Variants in BAIAP2 observed in about 807,000 individuals in gnomAD.
The protein encoded by BAIAP2 is BAR/IMD domain containing adaptor protein 2.
Under a neutral mutation model 63.0 loss-of-function variants are expected in BAIAP2, and 18 were observed. The ratio of observed to expected loss-of-function variants is 0.29; its 90% CI spans 0.20 to 0.42. The LOEUF (loss-of-function observed/expected upper bound fraction) is 0.42, where lower values mean the gene tolerates loss of function less well. Among genes scored for constraint, BAIAP2 ranks in the 10% least tolerant of loss-of-function variants. BAIAP2 has a pLI of 1.00. For synonymous variants in BAIAP2, 386 were observed against 307.6 expected, an observed-to-expected ratio of 1.25 and a Z score of -2.67; for missense variants, 610 against 734.3, an observed-to-expected ratio of 0.83 and a Z score of 1.96.
At chr17:81,069,233 C>G (rs970403059) in intron 3 of BAIAP2, among the ~76,000 whole-genome samples, 1 of 152,200 alleles carries the variant, frequency 6.6e-6, no homozygotes, top group Non-Finnish European at 1.5e-5. Flanking sequence ...TTGTTACCAG[C>G]AGTCACATGC....
Position 81,090,826 on chromosome 17 carries a change from G to C in BAIAP2, c.489+4246G>C, listed in dbSNP as rs373377032. 8.7e-5 allele frequency among the ~76,000 whole-genome samples: 12 copies of C among 138,596 alleles called. No homozygotes were observed. In the East Asian group the frequency reaches 2.6e-3, roughly 29 times the overall value. 90.9% of individuals were successfully genotyped at this position (138,596 alleles called of 152,430 possible). A position where few individuals can be genotyped will look rare whatever the true frequency, so the allele number is the denominator to read the frequency against. On this transcript the variant is annotated intron_variant, in intron 6 of 13. Transcript: ENST00000428708. Reference sequence around the variant, plus strand: ...TGTGCTGCCGGCCTCGCTGCTCCAGGCCCCTTGCCCCACCCAGGGCTGTTC... The same window carrying C: ...TGTGCTGCCGGCCTCGCTGCTCCAGCCCCCTTGCCCCACCCAGGGCTGTTC...
intron 1 of BAIAP2, among the ~76,000 whole-genome samples, chr17:81,052,634 AG>A (rs1231373536): frequency 6.6e-6 from 1 of 152,244 alleles, no homozygotes; most frequent in Non-Finnish European, 1.5e-5. Flanking sequence ...TTCTGGAGGC[AG>A]GTCCCGTGGT....
intron 3 of BAIAP2, among the ~76,000 whole-genome samples, chr17:81,063,365 G>A (rs572117012): frequency 4.2e-4 from 64 of 152,320 alleles, no homozygotes; most frequent in African/African-American, 1.4e-3. Flanking sequence ...ACACGCGGAT[G>A]CCTTCGTTTT....
intron 1 of BAIAP2, among the ~76,000 whole-genome samples, chr17:81,043,377 C>T (rs1357711621): frequency 6.6e-6 from 1 of 152,250 alleles, no homozygotes; most frequent in Non-Finnish European, 1.5e-5. Flanking sequence ...CATCAGCCTC[C>T]ACCTGTCCTG....
chr17:81,101,130 C>T (rs951683287), intron 7 of BAIAP2, among the ~76,000 whole-genome samples: 6 of 151,928 alleles, frequency 3.9e-5, no homozygotes, highest in African/African-American at 4.8e-5. Context: ...CGCTAGGCGT[C>T]CCCCAGCACA....
At chr17:81,048,198 A>T (rs1263002729) in intron 1 of BAIAP2, among the ~76,000 whole-genome samples, 1 of 152,212 alleles carries the variant, frequency 6.6e-6, no homozygotes, top group Non-Finnish European at 1.5e-5. Flanking sequence ...TAGCCTGGCC[A>T]ACATGGTGAA....
At chr17:81,080,569 CTT>C (rs141331224) in intron 3 of BAIAP2, among the ~76,000 whole-genome samples, 6,510 of 152,294 alleles carry the variant, frequency 0.043, 490 homozygotes, top group African/African-American at 0.15. Context: ...TCCACATACT[CTT>C]TTTCTTTTTG....
chr17:81,052,244 C>T (rs919355580), intron 1 of BAIAP2, among the ~76,000 whole-genome samples: 8 of 152,228 alleles, frequency 5.3e-5, no homozygotes, highest in Non-Finnish European at 8.8e-5. Flanking sequence ...CTGCCTTCCA[C>T]GTCTCGCTGA....
chr17:81,097,163 C>A (rs546035373), intron 6 of BAIAP2, among the ~76,000 whole-genome samples: 1 of 152,350 alleles, frequency 6.6e-6, no homozygotes, highest in African/African-American at 2.4e-5. Context: ...CCTACAGCGC[C>A]TCTGGAGGGT....
chr17:81,084,435 C>T (rs1412677876), intron 3 of BAIAP2, among the ~76,000 whole-genome samples: 1 of 152,156 alleles, frequency 6.6e-6, no homozygotes, highest in Non-Finnish European at 1.5e-5. Flanking sequence ...GACTGTCCAC[C>T]TGGCCTGAGG....
intron 13 of BAIAP2, among the ~76,000 whole-genome samples, chr17:81,113,958 C>CTTT (rs58758919): frequency 1.4e-4 from 12 of 83,172 alleles, no homozygotes; most frequent in African/African-American, 1.9e-4. Flanking sequence ...TGGGAACCCA[C>CTTT]TTTTTTTTTT....
chr17:81,109,372 T>TAAAAAAAAAAAAAAAA (rs747875777), intron 13 of BAIAP2: 46 of 890,562 alleles, frequency 5.2e-5, no homozygotes, highest in African/African-American at 2.5e-4. Flanking sequence ...AGAAAAATCT[T>TAAAAAAAAAAAAAAAA]AAAAAAAAAA....
chr17:81,096,999 G>T (rs912632410), intron 6 of BAIAP2, among the ~76,000 whole-genome samples: 3 of 152,212 alleles, frequency 2.0e-5, no homozygotes, highest in Admixed American at 2.0e-4. Flanking sequence ...GGAGGAGGCA[G>T]CGGCAGTGGG....
chr17:81,115,626 G>GTC, intron 13 of BAIAP2, 144 bp from the exon 14 acceptor site: 1 of 970,454 alleles, frequency 1.0e-6, no homozygotes, highest in Non-Finnish European at 1.6e-6. Context: ...GCAAAGCAGC[G>GTC]TATATTGTCT....
intron 3 of BAIAP2, among the ~76,000 whole-genome samples, chr17:81,074,786 C>CT (rs1316281533): frequency 3.9e-5 from 6 of 151,938 alleles, no homozygotes; most frequent in Non-Finnish European, 8.8e-5. Flanking sequence ...GCCTGTGTGT[C>CT]TGTGTGCATG....
chr17:81,115,160 G>A (rs1174711012), intron 13 of BAIAP2, among the ~76,000 whole-genome samples: 6 of 152,198 alleles, frequency 3.9e-5, no homozygotes, highest in Admixed American at 6.5e-5. Flanking sequence ...GGGAGGGCGC[G>A]GCACCCCTCG....
At position 81,046,871 on chromosome 17, in the gene BAIAP2, T is replaced by C. The variant is rs2047891966; in HGVS notation, c.55-6797T>C. Among the ~76,000 whole-genome samples, 1 of 152,154 alleles carries C rather than the reference T, an allele frequency of 6.6e-6. No individual in the cohort carries two copies. Among genetic ancestry groups the C allele is most frequent in the South Asian group, 2.1e-4 (1 of 4,818 alleles). ...GTGGGTGCTGTGAGGTCCGTGTCTG[T>C]GTGTGGGGTCCTCATGCTGTGGCTG... On this transcript the variant is annotated intron_variant, in intron 1 of 13. Transcript: ENST00000428708. This position sits in a 1 kb window ranked among gnomAD's most constrained non-coding sequence, Gnocchi z 4.5.
intron 6 of BAIAP2, among the ~76,000 whole-genome samples, chr17:81,095,857 C>G (rs1194551548): frequency 2.0e-5 from 3 of 152,198 alleles, no homozygotes; most frequent in Non-Finnish European, 2.9e-5. Context: ...AAAACACCAA[C>G]TCTCTTCCCG....
At chr17:81,087,180 AAC>A (rs2055816933) in intron 6 of BAIAP2, among the ~76,000 whole-genome samples, 1 of 152,206 alleles carries the variant, frequency 6.6e-6, no homozygotes, top group Non-Finnish European at 1.5e-5. Context: ...AAGAGAAAGA[AAC>A]ACAAAACAAG....
Sources: allele counts gnomAD v4.1 joint callset (sites outside exome capture counted in the v4.1 genomes callset), GRCh38; gene constraint gnomAD v4.1.1; non-coding constraint Gnocchi (gnomAD v3.1); transcripts MANE v1.5; gene names NCBI Gene and HGNC (gene_info 2026-07-23, HGNC 2026-07-21).